MAP3K20: variants seen among roughly 807,000 people sequenced by gnomAD.
The protein encoded by MAP3K20 is mitogen-activated protein kinase kinase kinase 20, also known as HCCS-4.
In MAP3K20, 40 loss-of-function variants were observed where a neutral mutation model predicts 85.7. The observed-to-expected ratio is 0.47, with a 90% CI of 0.36 to 0.61. The LOEUF (loss-of-function observed/expected upper bound fraction) is 0.61. Among genes scored for constraint, MAP3K20 ranks in the 20% least tolerant of loss-of-function variants. MAP3K20 has a pLI of 0.00. For missense variants in MAP3K20, 817 were observed against 961.7 expected (o/e 0.85, Z 1.99); for synonymous variants, 325 against 327.7 (o/e 0.99, Z 0.09).
chr2:173,266,634 G>C lies in MAP3K20; in HGVS notation c.2287G>C (p.Val763Leu), dbSNP rs2106361630. ...DSRASEEDSKVSEGGWTKVEY... is the reference protein window; with the variant it reads ...DSRASEEDSKLSEGGWTKVEY... Reference sequence around the variant, plus strand: ...AAGAGCCAGTGAAGAGGACAGCAAAGTCAGCGAAGGGGGCTGGACAAAAGT... The same window carrying C: ...AAGAGCCAGTGAAGAGGACAGCAAACTCAGCGAAGGGGGCTGGACAAAAGT... Residue 763 changes from valine to leucine, a missense_variant, in exon 20 of 20, where the codon GTC becomes CTC. Physicochemically the swap from Val to Leu is conservative, Grantham distance 32 (BLOSUM62 1). Transcript: ENST00000375213. The C allele has an allele frequency of 6.2e-7, 1 of 1,613,866 alleles. No homozygotes were observed. Among genetic ancestry groups the C allele is most frequent in the African/African-American group, 1.3e-5 (1 of 74,990 alleles).
intron 10 of MAP3K20, chr2:173,211,312 TA>T (rs1683884974): frequency 6.6e-6 from 1 of 152,226 alleles, no homozygotes; most frequent in Non-Finnish European, 1.5e-5. Flanking sequence ...AGACCCTCAT[TA>T]CTGTGGCCTC....
intron 1 of MAP3K20, among the ~76,000 whole-genome samples, chr2:173,085,869 C>T (rs763213413): frequency 2.3e-5 from 3 of 127,778 alleles, no homozygotes; most frequent in Non-Finnish European, 3.1e-5. Flanking sequence ...GATCTTGGCT[C>T]ACAGTAACCT....
In MAP3K20 at chr2:173,266,426, A is replaced by G. The variant is rs759009970; in HGVS notation, c.2079A>G (p.Arg693=). The change falls in exon 20 of 20, where the codon AGA becomes AGG. Residue 693 remains arginine (R), a synonymous_variant. Coordinates refer to ENST00000375213, the MANE Select transcript of MAP3K20 (RefSeq NM_016653.3). ...GTATATCACTCAATTCTTCTCCTAG[A>G]GGAAGATACAGTGGAAAGAGTCAGC... The part of the protein sequence containing the change: ...RGSISLNSSP[R]GRYSGKSQHS... 10 of 1,614,172 alleles carry G rather than the reference A, an allele frequency of 6.2e-6. No individual in the cohort carries two copies. In the South Asian group the frequency reaches 1.1e-4, roughly 18 times the overall value.
At chr2:173,259,078 T>C (rs780610618) in intron 17 of MAP3K20, among the ~76,000 whole-genome samples, 1 of 152,222 alleles carries the variant, frequency 6.6e-6, no homozygotes, top group African/African-American at 2.4e-5. Flanking sequence ...CTATTATTTC[T>C]TTATGCTTAC....
At chr2:173,129,185 C>T (rs1318228131) in intron 2 of MAP3K20, among the ~76,000 whole-genome samples, 1 of 152,006 alleles carries the variant, frequency 6.6e-6, no homozygotes, top group African/African-American at 2.4e-5. Flanking sequence ...CCTCGGCTTC[C>T]CAAAGTGCTG....
chr2:173,221,943 CGT>C, intron 11 of MAP3K20: 5 of 987,372 alleles, frequency 5.1e-6, no homozygotes, highest in Non-Finnish European at 6.0e-6. Context: ...TTCTTTGACA[CGT>C]AGTAATTCTG....
rs2106337614 is a variant in MAP3K20, at chr2:173,239,394, C to T, written c.1267-10C>T. 2.5e-6 allele frequency: 4 copies of T among 1,599,210 alleles called. No homozygotes were observed. The East Asian group carries it at 9.0e-5, about 36-fold the overall frequency. On this transcript the variant is annotated splice_polypyrimidine_tract_variant and intron_variant, in intron 15 of 19. Coordinates refer to ENST00000375213, the MANE Select transcript of MAP3K20 (RefSeq NM_016653.3). ...ATCTAGAATAATTGGTGCTTGGTTTCCTGTTTTAGGACTCAGGAGGTGAAC... is the reference window on the plus strand; with the variant it reads ...ATCTAGAATAATTGGTGCTTGGTTTTCTGTTTTAGGACTCAGGAGGTGAAC...
intron 2 of MAP3K20, among the ~76,000 whole-genome samples, chr2:173,128,310 G>A (rs74897387): frequency 0.35 from 36,645 of 105,344 alleles, 5,617 homozygotes; most frequent in Non-Finnish European, 0.42. Context: ...CATTATAGTT[G>A]ACTTATTTAT....
chr2:173,237,928 G>A lies in MAP3K20; in HGVS notation c.1204-445G>A, dbSNP rs1181180738. 2.0e-5 allele frequency among the ~76,000 whole-genome samples: 3 copies of A among 152,144 alleles called. 1 individual carries two copies. The East Asian group carries it at 5.8e-4, about 29-fold the overall frequency. On this transcript the variant is annotated intron_variant, in intron 14 of 19. Coordinates refer to ENST00000375213, the MANE Select transcript of MAP3K20 (RefSeq NM_016653.3). Reference sequence around the variant, plus strand: ...TCCCTGTAATCCCAGCACTTTGAGAGGCCAAGGCAGGAGGCCAGGATTTCA... The same window carrying A: ...TCCCTGTAATCCCAGCACTTTGAGAAGCCAAGGCAGGAGGCCAGGATTTCA...
chr2:173,238,496 A>AT, intron 15 of MAP3K20, 61 bp downstream of exon 15: 2 of 1,461,722 alleles, frequency 1.4e-6, no homozygotes, highest in Non-Finnish European at 1.9e-6. Context: ...CACCTGCTGC[A>AT]TCCACACCTA....
At chr2:173,255,779 C>T (rs1156962730) in intron 16 of MAP3K20, among the ~76,000 whole-genome samples, 2 of 152,210 alleles carry the variant, frequency 1.3e-5, no homozygotes, top group Non-Finnish European at 2.9e-5. Flanking sequence ...CCAAACTTGA[C>T]AGGCAAAAGA....
chr2:173,088,912 T>A (rs377727468), intron 1 of MAP3K20, among the ~76,000 whole-genome samples: 34 of 152,338 alleles, frequency 2.2e-4, no homozygotes, highest in African/African-American at 8.2e-4. Context: ...TCACTCATAT[T>A]TTTATGTGGA....
At chr2:173,255,409 C>CATCA (rs1685135314) in intron 16 of MAP3K20, among the ~76,000 whole-genome samples, 1 of 152,214 alleles carries the variant, frequency 6.6e-6, no homozygotes, top group Non-Finnish European at 1.5e-5. Context: ...ATGTCAACCA[C>CATCA]GTATTGGTCA....
rs1185236876 is a variant in MAP3K20, at chr2:173,218,280, CT to C, written c.987+1032del. 7.9e-5 allele frequency among the ~76,000 whole-genome samples: 12 copies of C among 152,288 alleles called. No individual in the cohort carries two copies. The East Asian group carries it at 2.3e-3, about 29-fold the overall frequency. On this transcript the variant is annotated intron_variant, in intron 11 of 19. Transcript: ENST00000375213. ...ATAAAATAGTTTGTCTCCTTCCCAA[CT>C]TGTGTGGAGAAGCAACCTGATATCC...
chr2:173,167,756 G>A (rs1689877204), intron 2 of MAP3K20, among the ~76,000 whole-genome samples: 1 of 152,058 alleles, frequency 6.6e-6, no homozygotes, highest in African/African-American at 2.4e-5. Flanking sequence ...ATATAAACAT[G>A]GAAACTAGCT....
chr2:173,180,849 A>G (rs1399798429), intron 3 of MAP3K20, among the ~76,000 whole-genome samples: 4 of 152,324 alleles, frequency 2.6e-5, no homozygotes, highest in African/African-American at 9.6e-5. Flanking sequence ...GTTCTTAGAA[A>G]TGATACCAAA....
chr2:173,146,063 A>T (rs1237094430), intron 2 of MAP3K20, among the ~76,000 whole-genome samples: 2 of 152,202 alleles, frequency 1.3e-5, no homozygotes, highest in African/African-American at 4.8e-5. Flanking sequence ...AGGGTTGGGT[A>T]CTGAAGGGTA....
chr2:173,235,126 TAAAG>T (rs1434641165), intron 14 of MAP3K20, among the ~76,000 whole-genome samples: 1 of 152,056 alleles, frequency 6.6e-6, no homozygotes, highest in African/African-American at 2.4e-5. Context: ...CAGTCGTAGG[TAAAG>T]AAAGGCAGAT....
Position 173,125,563 on chromosome 2 carries a change from A to G in MAP3K20, c.159+34373A>G, listed in dbSNP as rs77632022. 6.7e-3 allele frequency among the ~76,000 whole-genome samples: 1,013 copies of G among 152,226 alleles called. 6 individuals carry two copies. Among genetic ancestry groups the G allele is most frequent in the Non-Finnish European group, 8.1e-3 (554 of 68,020 alleles). ...ATTGAATGTACTAGCATTTCTTGTC[A>G]AACACTAAAAATGTCAGTACCCTGG... On this transcript the variant is annotated intron_variant, in intron 2 of 19. Transcript: ENST00000375213.
Sources: allele counts gnomAD v4.1 joint callset (sites outside exome capture counted in the v4.1 genomes callset), GRCh38; gene constraint gnomAD v4.1.1; transcripts MANE v1.5; gene names NCBI Gene and HGNC (gene_info 2026-07-23, HGNC 2026-07-21).